Variants in CALCR observed in about 807,000 individuals in gnomAD.
CALCR encodes the protein calcitonin receptor.
CALCR carries 47 observed loss-of-function variants against 59.5 expected under a neutral mutation model. That is an observed-to-expected ratio of 0.79 (90% CI 0.63 to 1.01). The LOEUF (loss-of-function observed/expected upper bound fraction) is 1.01, where lower values mean the gene tolerates loss of function less well. CALCR is among the 50% of genes least tolerant of loss of function. CALCR has a pLI of 0.00. For synonymous variants in CALCR, 213 were observed against 211.3 expected (o/e 1.01, Z -0.07); for missense variants, 566 against 597.1 (o/e 0.95, Z 0.54).
At chr7:93,558,322 T>G (rs560729030) in intron 2 of CALCR, among the ~76,000 whole-genome samples, 2 of 152,222 alleles carry the variant, frequency 1.3e-5, no homozygotes, top group African/African-American at 2.4e-5. Flanking sequence ...AGTAGTTATA[T>G]TGGTAGAATC....
At chr7:93,537,905 G>A (rs1789034688) in intron 2 of CALCR, among the ~76,000 whole-genome samples, 1 of 151,562 alleles carries the variant, frequency 6.6e-6, no homozygotes, top group African/African-American at 2.4e-5. Flanking sequence ...TGTATTTTAT[G>A]GTATCCCATT....
At chr7:93,429,905 C>G (rs1287556903) in intron 13 of CALCR, among the ~76,000 whole-genome samples, 2 of 143,786 alleles carry the variant, frequency 1.4e-5, no homozygotes, top group African/African-American at 5.2e-5. Flanking sequence ...TAATTGCACA[C>G]TTTAGACGGT....
At chr7:93,498,219 G>T (rs901238099) in intron 2 of CALCR, among the ~76,000 whole-genome samples, 13 of 151,676 alleles carry the variant, frequency 8.6e-5, no homozygotes, top group African/African-American at 2.9e-4. Flanking sequence ...CACATCCTGT[G>T]TAACAGAGTG....
chr7:93,555,852 G>C (rs1050077834), intron 2 of CALCR, among the ~76,000 whole-genome samples: 1 of 152,122 alleles, frequency 6.6e-6, no homozygotes, highest in African/African-American at 2.4e-5. Context: ...GATATTTATC[G>C]CATTTATGAA....
chr7:93,508,969 C>T (rs1322009301), intron 2 of CALCR, among the ~76,000 whole-genome samples: 7 of 152,052 alleles, frequency 4.6e-5, no homozygotes, highest in East Asian at 1.9e-4. Context: ...TTCCTACTCC[C>T]GCACTAAAAC....
intron 2 of CALCR, among the ~76,000 whole-genome samples, chr7:93,506,371 C>G (rs1277756836): frequency 6.6e-6 from 1 of 152,110 alleles, no homozygotes; most frequent in African/African-American, 2.4e-5. Context: ...CATCCATATT[C>G]TCCTGCAGGT....
At chr7:93,537,128 T>G (rs1175470499) in intron 2 of CALCR, among the ~76,000 whole-genome samples, 1 of 151,690 alleles carries the variant, frequency 6.6e-6, no homozygotes, top group Non-Finnish European at 1.5e-5. Flanking sequence ...AAAAAACCAA[T>G]GTAAAGAAAA....
At chr7:93,454,756 C>A (rs10266738) in intron 8 of CALCR, among the ~76,000 whole-genome samples, 1 of 151,770 alleles carries the variant, frequency 6.6e-6, no homozygotes, top group South Asian at 2.1e-4. Context: ...TTGAGTTTAA[C>A]TTTTTTTAAA....
At chr7:93,547,709 A>AGGTG (rs1490979538) in intron 2 of CALCR, among the ~76,000 whole-genome samples, 16 of 152,194 alleles carry the variant, frequency 1.1e-4, no homozygotes, top group Admixed American at 5.2e-4. Flanking sequence ...GTTTCCTCAC[A>AGGTG]TTTGGAAAGT....
At chr7:93,440,658 T>C (rs1216540151) in intron 9 of CALCR, among the ~76,000 whole-genome samples, 2 of 152,088 alleles carry the variant, frequency 1.3e-5, no homozygotes, top group Non-Finnish European at 2.9e-5. Flanking sequence ...TCTACGGAAG[T>C]GCAAATCCCT....
chr7:93,427,961 G>A (rs923229845), intron 13 of CALCR, among the ~76,000 whole-genome samples: 6 of 152,134 alleles, frequency 3.9e-5, no homozygotes, highest in African/African-American at 1.2e-4. Context: ...TGATAATTTG[G>A]AATATTAGAC....
intron 2 of CALCR, among the ~76,000 whole-genome samples, chr7:93,525,277 T>C (rs1356545268): frequency 1.3e-5 from 2 of 152,228 alleles, no homozygotes; most frequent in Non-Finnish European, 2.9e-5. Context: ...CTTTTAATAC[T>C]AGCTCCCTGC....
Position 93,426,254 on chromosome 7 carries a change from T to C in CALCR, c.*102A>G. 1.4e-6 allele frequency: 1 copy of C among 708,380 alleles called. No homozygotes were observed. The highest frequency in any genetic ancestry group is 2.5e-6 in the Non-Finnish European group (1 of 394,910). The allele number at this position is 708,380 out of a possible 1,614,324, so 43.9% of individuals were successfully genotyped here. A position where few individuals can be genotyped will look rare whatever the true frequency, so the allele number is the denominator to read the frequency against. ...AATTCACTGAATAATTCTTCACAAA[T>C]GATATGTTCGGTTCCTGGGAGGATG... On this transcript the variant is annotated 3_prime_UTR_variant, in exon 14 of 14. Transcript: ENST00000426151.
chr7:93,479,582 A>G, intron 3 of CALCR, 75 bp from the exon 4 acceptor site: 1 of 1,381,420 alleles, frequency 7.2e-7, no homozygotes, highest in African/African-American at 1.4e-5. Context: ...ACAATGAAAA[A>G]GTTTGAAAAC....
chr7:93,429,883 G>A (rs1584529967), intron 13 of CALCR, among the ~76,000 whole-genome samples: 1 of 144,062 alleles, frequency 6.9e-6, no homozygotes, highest in Admixed American at 7.0e-5. Context: ...AAATTCCCTA[G>A]AAGTTAAAAA....
intron 2 of CALCR, among the ~76,000 whole-genome samples, chr7:93,522,908 A>T (rs936886824): frequency 6.6e-6 from 1 of 152,188 alleles, no homozygotes; most frequent in Non-Finnish European, 1.5e-5. Flanking sequence ...ATGAAGCACA[A>T]TCAATTTATT....
At chr7:93,534,045 T>C (rs1367021139) in intron 2 of CALCR, among the ~76,000 whole-genome samples, 1 of 151,720 alleles carries the variant, frequency 6.6e-6, no homozygotes, top group East Asian at 1.9e-4. Flanking sequence ...ATTTTGAAAA[T>C]ACCACTATAA....
chr7:93,454,418 G>T (rs945866661), intron 8 of CALCR, among the ~76,000 whole-genome samples: 3 of 152,002 alleles, frequency 2.0e-5, no homozygotes, highest in Non-Finnish European at 4.4e-5. Flanking sequence ...TTTCTGAGGT[G>T]CAAAGTGCTC....
At chr7:93,524,812 A>C (rs926421150) in intron 2 of CALCR, among the ~76,000 whole-genome samples, 2 of 152,144 alleles carry the variant, frequency 1.3e-5, no homozygotes, top group African/African-American at 4.8e-5. Context: ...TTAATCCCAA[A>C]GATACTTATC....
Sources: gnomAD v4.1 joint callset for allele counts (sites outside exome capture counted in the v4.1 genomes callset) on GRCh38, gnomAD v4.1.1 for gene constraint, MANE v1.5 for transcripts, NCBI Gene and HGNC (gene_info 2026-07-23, HGNC 2026-07-21) for gene names.